The following IQSEC3 variants were observed in gnomAD, a reference collection of about 807,000 sequenced individuals.
The protein encoded by IQSEC3 is IQ motif and SEC7 domain-containing protein 3.
In IQSEC3, 50 loss-of-function variants were observed where a neutral mutation model predicts 105.4. The observed-to-expected ratio is 0.47, with a 90% CI of 0.38 to 0.60. The LOEUF (loss-of-function observed/expected upper bound fraction) is 0.60, where lower values mean the gene tolerates loss of function less well. Ranked by LOEUF, IQSEC3 falls within the 20% of genes least tolerant of loss-of-function variation. The pLI is 0.00. For missense variants in IQSEC3, 1,415 were observed against 1,630.0 expected (o/e 0.87, Z 2.27); for synonymous variants, 708 against 746.0 (o/e 0.95, Z 0.83).
chr12:146,867 G>A (rs1041239010), intron 5 of IQSEC3, among the ~76,000 whole-genome samples: 1 of 152,146 alleles, frequency 6.6e-6, no homozygotes, highest in Non-Finnish European at 1.5e-5. Flanking sequence ...TTCAAAAGTG[G>A]TGTCTTTGGG....
In IQSEC3 at chr12:130,323, G is replaced by A. The variant is rs531970329; in HGVS notation, c.903+4411G>A. Among the ~76,000 whole-genome samples, 10 of 152,318 alleles carry A rather than the reference G, an allele frequency of 6.6e-5. No individual in the cohort carries two copies. The East Asian group carries it at 1.3e-3, about 21-fold the overall frequency. ...CTCCCCGGGTCTGCACAACGTCCCC[G>A]TGAGATTGGCACCATTACCGTCCCA... On this transcript the variant is annotated intron_variant, in intron 3 of 13. Coordinates refer to ENST00000538872, the MANE Select transcript of IQSEC3 (RefSeq NM_001170738.2).
rs782176314 is a variant in IQSEC3 at position 125,843 on chromosome 12, G to A, written c.834G>A (p.Ala278=). ...ASPGRQQPAL[A]TALCPHAPAA... Reference sequence around the variant, plus strand: ...CCGGCCGGCAGCAGCCTGCCCTGGCGACGGCGCTGTGCCCCCACGCCCCTG... The same window carrying A: ...CCGGCCGGCAGCAGCCTGCCCTGGCAACGGCGCTGTGCCCCCACGCCCCTG... The change falls in exon 3 of 14, where the codon GCG becomes GCA. Residue 278 remains alanine (A), a synonymous_variant. Coordinates refer to ENST00000538872, the MANE Select transcript of IQSEC3 (RefSeq NM_001170738.2). The A allele has an allele frequency of 1.7e-5, 26 of 1,532,900 alleles. No individual in the cohort carries two copies. Among genetic ancestry groups the A allele is most frequent in the East Asian group, 4.9e-5 (2 of 40,820 alleles). The allele number at this position is 1,532,900 out of a possible 1,614,324, so 95.0% of individuals were successfully genotyped here.
In IQSEC3 at chr12:138,954, G is replaced by A. The variant is rs1865896469; in HGVS notation, c.1591G>A (p.Glu531Lys). The A allele has an allele frequency of 1.9e-6, 3 of 1,569,280 alleles. No individual in the cohort carries two copies. Among genetic ancestry groups the A allele is most frequent in the Middle Eastern group, 1.7e-4 (1 of 5,968 alleles). Reference sequence around the variant, plus strand: ...CGCGGCGGGCAAGGCCGAGCAGGGCGAGACCTCTGGGCGGGAGGCCCCGGA... The same window carrying A: ...CGCGGCGGGCAAGGCCGAGCAGGGCAAGACCTCTGGGCGGGAGGCCCCGGA... ...EPAAGKAEQG[E>K]TSGREAPEAP... Residue 531 changes from glutamate (E) to lysine (K), a missense_variant, in exon 4 of 14, where the codon GAG (glutamate) becomes AAG (lysine). Glu to Lys is a moderately conservative substitution (Grantham distance 56). This residue lies in a region of IQSEC3 where 720 missense variants were observed against 633.0 expected (regional missense o/e 1.14). Coordinates refer to ENST00000538872, the MANE Select transcript of IQSEC3 (RefSeq NM_001170738.2). This position sits in a 1 kb window ranked among gnomAD's most constrained non-coding sequence, Gnocchi z 7.1.
At chr12:124,096 T>A (rs4980979) in intron 2 of IQSEC3, among the ~76,000 whole-genome samples, 1 of 151,532 alleles carries the variant, frequency 6.6e-6, no homozygotes, top group Admixed American at 6.6e-5. Flanking sequence ...AATAAGAGTT[T>A]ATTTACTGGG....
chr12:84,415 T>A (rs1037602930), intron 1 of IQSEC3, among the ~76,000 whole-genome samples: 2 of 152,218 alleles, frequency 1.3e-5, no homozygotes, highest in Non-Finnish European at 2.9e-5. Context: ...TCTGCATGTG[T>A]GCGTGTATGC....
intron 2 of IQSEC3, among the ~76,000 whole-genome samples, chr12:121,712 C>T (rs921574484): frequency 6.6e-6 from 1 of 152,142 alleles, no homozygotes; most frequent in Non-Finnish European, 1.5e-5. Context: ...GAGAACACCC[C>T]CCCGCTACAG....
Position 171,140 on chromosome 12 carries a change from G to A in IQSEC3, c.3093G>A (p.Arg1031=). 2 of 1,614,076 alleles carry A rather than the reference G, an allele frequency of 1.2e-6. No homozygotes were observed. The highest frequency in any genetic ancestry group is 2.2e-5 in the East Asian group (1 of 44,860). The part of the protein sequence containing the change: ...TAKREAALRE[R]PAESTVEVSI... ...AAAGGGAAGCCGCGCTCAGGGAGAG[G>A]CCGGCGGAGAGCACGGTGGAGGTAA... is the stretch of plus-strand genomic sequence containing the variant. Residue 1031 remains arginine, a synonymous_variant, in exon 13 of 14, where the codon AGG becomes AGA. Transcript: ENST00000538872.
At chr12:78,447 G>A (rs1370686339) in intron 1 of IQSEC3, among the ~76,000 whole-genome samples, 2 of 151,572 alleles carry the variant, frequency 1.3e-5, no homozygotes, top group Admixed American at 1.3e-4. Context: ...TGACACCGAG[G>A]TACAAATTCT....
intron 7 of IQSEC3, among the ~76,000 whole-genome samples, chr12:158,532 G>A (rs532787608): frequency 6.6e-6 from 1 of 152,250 alleles, no homozygotes; most frequent in South Asian, 2.1e-4. Context: ...CTCCTGTCCC[G>A]TCCCAGTCAA....
intron 2 of IQSEC3, among the ~76,000 whole-genome samples, chr12:117,590 C>T (rs188625167): frequency 9.2e-5 from 14 of 152,172 alleles, no homozygotes; most frequent in Admixed American, 4.6e-4. Flanking sequence ...AGGGAGTGGC[C>T]GGGGTATTCT....
intron 3 of IQSEC3, among the ~76,000 whole-genome samples, chr12:137,221 T>A (rs1230062863): frequency 2.0e-5 from 3 of 152,116 alleles, no homozygotes; most frequent in Non-Finnish European, 2.9e-5. Flanking sequence ...ACACAGATGG[T>A]CCAACCCCAA....
At chr12:151,791 C>T (rs551079551) in intron 5 of IQSEC3, among the ~76,000 whole-genome samples, 2 of 152,274 alleles carry the variant, frequency 1.3e-5, no homozygotes, top group South Asian at 4.2e-4. Flanking sequence ...CCTTGAAGCT[C>T]CTCCCTGCCG....
In IQSEC3 at chr12:158,168, G is replaced by A. The variant is rs113726149; in HGVS notation, c.2443+474G>A. On this transcript the variant is annotated intron_variant, in intron 7 of 13. Coordinates refer to ENST00000538872, the MANE Select transcript of IQSEC3 (RefSeq NM_001170738.2). Reference sequence around the variant, plus strand: ...AGGACTGGCAGAGTGTGATGTGTGCGCAATTGTTTTTTTTTTTTTACCCGT... The same window carrying A: ...AGGACTGGCAGAGTGTGATGTGTGCACAATTGTTTTTTTTTTTTTACCCGT... 2.0e-3 allele frequency among the ~76,000 whole-genome samples: 300 copies of A among 151,880 alleles called. 1 individual carries two copies. The highest frequency in any genetic ancestry group is 6.8e-3 in the African/African-American group (281 of 41,442).
intron 2 of IQSEC3, 129 bp downstream of exon 2, chr12:99,343 C>T (rs1426511972): frequency 1.2e-6 from 1 of 827,344 alleles, no homozygotes; most frequent in Non-Finnish European, 1.9e-6. Context: ...TGTTTGCTTT[C>T]ACCTCCTTCC....
intron 6 of IQSEC3, 74 bp from the exon 7 acceptor site, chr12:157,454 C>G: frequency 6.7e-7 from 1 of 1,487,298 alleles, no homozygotes; most frequent in Non-Finnish European, 9.1e-7. Flanking sequence ...CCCCTGGACA[C>G]CCCCTTCCTT....
At chr12:73,616 G>A (rs1441022503) in intron 1 of IQSEC3, among the ~76,000 whole-genome samples, 3 of 152,158 alleles carry the variant, frequency 2.0e-5, no homozygotes, top group Non-Finnish European at 4.4e-5. Flanking sequence ...GTTGCAGTGA[G>A]CTGAGATTGC....
At position 138,641 on chromosome 12, in the gene IQSEC3, C is replaced by G; in HGVS notation, c.1278C>G (p.Cys426Trp). The G allele has an allele frequency of 6.3e-7, 1 of 1,580,780 alleles. No homozygotes were observed. The highest frequency in any genetic ancestry group is 8.5e-7 in the Non-Finnish European group (1 of 1,171,418). ...GCACGTGGAGCCTCAAGACCATGTG[C>G]TCCCTGCGGGAGAGTGGCGCTTACC... is the stretch of plus-strand genomic sequence containing the variant. The part of the protein sequence containing the change: ...ALSTWSLKTM[C>W]SLRESGAYQL... Residue 426 changes from cysteine (C) to tryptophan (W), a missense_variant, in exon 4 of 14, where the codon TGC becomes TGG. Physicochemically the swap from Cys to Trp is radical, Grantham distance 215. This residue lies in a region of IQSEC3 where 720 missense variants were observed against 633.0 expected (regional missense o/e 1.14). Transcript: ENST00000538872. This position sits in a 1 kb window ranked among gnomAD's most constrained non-coding sequence, Gnocchi z 7.1.
chr12:171,577 G>A (rs914879438), intron 13 of IQSEC3: 34 of 575,610 alleles, frequency 5.9e-5, no homozygotes, highest in Admixed American at 2.0e-4. Flanking sequence ...CATCCATAGC[G>A]GGGAGCCTGG....
chr12:117,154 G>C (rs1865075202), intron 2 of IQSEC3, among the ~76,000 whole-genome samples: 1 of 152,174 alleles, frequency 6.6e-6, no homozygotes, highest in Non-Finnish European at 1.5e-5. Context: ...TCCTGAGGCT[G>C]GGTGAGAATG....
Sources: gnomAD v4.1 joint callset for allele counts (sites outside exome capture counted in the v4.1 genomes callset) on GRCh38, gnomAD v4.1.1 for gene constraint, gnomAD v4.1.1 regional missense constraint, Gnocchi (gnomAD v3.1) non-coding constraint, MANE v1.5 for transcripts, NCBI Gene and HGNC (gene_info 2026-07-23, HGNC 2026-07-21) for gene names.